FBXL20: variants seen among roughly 807,000 people sequenced by gnomAD.
FBXL20 encodes F-box/LRR-repeat protein 20.
Under a neutral mutation model 64.0 loss-of-function variants are expected in FBXL20, and 11 were observed. The observed-to-expected ratio is 0.17, with a 90% CI of 0.11 to 0.28. The LOEUF (loss-of-function observed/expected upper bound fraction) is 0.28, where lower values mean the gene tolerates loss of function less well. Among genes scored for constraint, FBXL20 ranks in the 10% least tolerant of loss-of-function variants. The pLI is 1.00. For synonymous variants in FBXL20, 184 were observed against 189.0 expected (o/e 0.97, Z 0.22); for missense variants, 303 against 526.2 (o/e 0.58, Z 4.15).
At chr17:39,270,282 G>A (rs764017162) in intron 11 of FBXL20, among the ~76,000 whole-genome samples, 5 of 151,690 alleles carry the variant, frequency 3.3e-5, no homozygotes, top group South Asian at 2.1e-4. Context: ...AGTGGCTCAC[G>A]TCTGTAATCT....
At chr17:39,275,793 CTGA>C (rs960812016) in intron 9 of FBXL20, among the ~76,000 whole-genome samples, 6 of 151,948 alleles carry the variant, frequency 3.9e-5, no homozygotes, top group African/African-American at 1.5e-4. Context: ...CAAATTGACA[CTGA>C]TAAGTTAGTG....
chr17:39,293,495 T>C (rs1428144118), intron 6 of FBXL20, among the ~76,000 whole-genome samples: 4 of 152,146 alleles, frequency 2.6e-5, no homozygotes, highest in Non-Finnish European at 5.9e-5. Flanking sequence ...AGTGCTGAAA[T>C]TGCAGGCGTG....
In FBXL20 at chr17:39,285,581, A is replaced by G. The variant is rs775896162; in HGVS notation, c.399-8T>C. 1.1e-5 allele frequency: 18 copies of G among 1,576,840 alleles called. No homozygotes were observed. The highest frequency in any genetic ancestry group is 1.1e-4 in the Admixed American group (6 of 54,932). On this transcript the variant is annotated splice_polypyrimidine_tract_variant and splice_region_variant and intron_variant, in intron 6 of 14. Transcript: ENST00000264658. Reference sequence around the variant, plus strand: ...CTAAGGCTAGTACATGTACTGAAAAATGGAAAAAGGAGAAAATAATGAATA... The same window carrying G: ...CTAAGGCTAGTACATGTACTGAAAAGTGGAAAAAGGAGAAAATAATGAATA...
chr17:39,355,560 T>C (rs770453844), intron 1 of FBXL20, among the ~76,000 whole-genome samples: 33 of 151,634 alleles, frequency 2.2e-4, no homozygotes, highest in Non-Finnish European at 4.0e-4. Flanking sequence ...TGATGTCTTA[T>C]ACAAGAACTC....
chr17:39,293,353 C>T (rs2047057667), intron 6 of FBXL20, among the ~76,000 whole-genome samples: 1 of 151,762 alleles, frequency 6.6e-6, no homozygotes, highest in South Asian at 2.1e-4. Flanking sequence ...TTCCAAGTAG[C>T]TGAGATTACA....
At chr17:39,395,485 A>C (rs981475719) in intron 1 of FBXL20, among the ~76,000 whole-genome samples, 5 of 152,168 alleles carry the variant, frequency 3.3e-5, no homozygotes, top group Admixed American at 6.5e-5. Context: ...CATCAACAAC[A>C]CTATTCAAAA....
chr17:39,261,651 G>T, intron 14 of FBXL20, 84 bp from the exon 15 acceptor site: 1 of 998,190 alleles, frequency 1.0e-6, no homozygotes, highest in Non-Finnish European at 1.5e-6. Flanking sequence ...ACTACCGAGG[G>T]GCTCAATGAA....
At chr17:39,323,691 C>G (rs1461255638) in intron 2 of FBXL20, among the ~76,000 whole-genome samples, 1 of 152,106 alleles carries the variant, frequency 6.6e-6, no homozygotes, top group African/African-American at 2.4e-5. Flanking sequence ...AAATACAGGA[C>G]ACACCGACCA....
intron 7 of FBXL20, 75 bp from the exon 8 acceptor site, chr17:39,282,930 C>T: frequency 2.6e-6 from 4 of 1,551,086 alleles, no homozygotes; most frequent in Admixed American, 1.7e-5. Flanking sequence ...AATTTATTGG[C>T]TATTTAGTAA....
upstream of FBXL20, chr17:39,402,227 C>A: frequency 4.1e-6 from 5 of 1,232,128 alleles, no homozygotes; most frequent in Non-Finnish European, 5.1e-6. Flanking sequence ...CCATTTTCCT[C>A]CTCTTCTGGA....
At chr17:39,342,806 T>C (rs9908760) in intron 2 of FBXL20, among the ~76,000 whole-genome samples, 48,183 of 151,570 alleles carry the variant, frequency 0.32, 8,521 homozygotes, top group African/African-American at 0.48. Flanking sequence ...TGCTTGAGCC[T>C]GGGAGGTTGA....
At chr17:39,375,334 G>A (rs79180271) in intron 1 of FBXL20, among the ~76,000 whole-genome samples, 3 of 151,994 alleles carry the variant, frequency 2.0e-5, no homozygotes, top group South Asian at 4.1e-4. Context: ...ACATGTACTC[G>A]GAGATGACAT....
At chr17:39,321,797 A>C (rs558307105) in intron 2 of FBXL20, among the ~76,000 whole-genome samples, 11 of 151,732 alleles carry the variant, frequency 7.2e-5, no homozygotes, top group Middle Eastern at 3.4e-3. Flanking sequence ...AAAAAAAAAA[A>C]CAAAAATAAC....
At chr17:39,356,519 C>T (rs2047742384) in intron 1 of FBXL20, among the ~76,000 whole-genome samples, 1 of 152,114 alleles carries the variant, frequency 6.6e-6, no homozygotes, top group Admixed American at 6.6e-5. Flanking sequence ...CCACGCTCAG[C>T]TATTTTTTCT....
At chr17:39,351,997 TATC>T (rs1382098083) in intron 1 of FBXL20, among the ~76,000 whole-genome samples, 1 of 152,252 alleles carries the variant, frequency 6.6e-6, no homozygotes, top group Non-Finnish European at 1.5e-5. Context: ...TGTAGAATTA[TATC>T]ATCTAATAGA....
At chr17:39,398,772 T>G (rs1259489938) in intron 1 of FBXL20, among the ~76,000 whole-genome samples, 2 of 152,130 alleles carry the variant, frequency 1.3e-5, no homozygotes, top group African/African-American at 4.8e-5. Flanking sequence ...CCTCCTGGGT[T>G]CAAGTGATTC....
At chr17:39,313,978 G>A (rs138186429) in intron 2 of FBXL20, among the ~76,000 whole-genome samples, 10 of 152,096 alleles carry the variant, frequency 6.6e-5, no homozygotes, top group Non-Finnish European at 1.2e-4. Context: ...TGCATAATTC[G>A]GTGATTTTTT....
intron 4 of FBXL20, among the ~76,000 whole-genome samples, chr17:39,299,709 A>C (rs909912683): frequency 6.6e-6 from 1 of 152,078 alleles, no homozygotes; most frequent in Non-Finnish European, 1.5e-5. Context: ...TGAACCCAGG[A>C]GACGGAGCTT....
intron 1 of FBXL20, among the ~76,000 whole-genome samples, chr17:39,366,046 C>T (rs1257727569): frequency 2.0e-5 from 3 of 151,882 alleles, no homozygotes; most frequent in Admixed American, 6.6e-5. Flanking sequence ...AGTAGACTGG[C>T]TATTCACAGG....
Sources: gnomAD v4.1 joint callset for allele counts (sites outside exome capture counted in the v4.1 genomes callset) on GRCh38, gnomAD v4.1.1 for gene constraint, MANE v1.5 for transcripts, NCBI Gene and HGNC (gene_info 2026-07-23, HGNC 2026-07-21) for gene names.